OTX1: variants seen among roughly 807,000 people sequenced by gnomAD.
OTX1 encodes the protein homeobox protein OTX1.
Under a neutral mutation model 26.7 loss-of-function variants are expected in OTX1, and 7 were observed. That is an observed-to-expected ratio of 0.26 (90% CI 0.15 to 0.49). The LOEUF is 0.49. Among genes scored for constraint, OTX1 ranks in the 20% least tolerant of loss-of-function variants. The pLI, the probability that OTX1 is intolerant of heterozygous loss-of-function variation, is 0.98. For missense variants in OTX1, 414 were observed against 483.8 expected (o/e 0.86, Z 1.35); for synonymous variants, 216 against 212.8 (o/e 1.01, Z -0.13).
intron 3 of OTX1, 27 bp downstream of exon 3, chr2:63,053,114 C>T: frequency 6.9e-7 from 1 of 1,448,440 alleles, no homozygotes; most frequent in South Asian, 1.3e-5. Flanking sequence ...CCGACCCTGC[C>T]TCAGCCTCTC....
Position 63,056,440 on chromosome 2 carries a change from A to G in OTX1, c.*124A>G, listed in dbSNP as rs2062068786. ...TCCAAAACTGAATTTTCACCCCCCA[A>G]AAAGATGTCCATTGCCTGCACTGCC... On this transcript the variant is annotated 3_prime_UTR_variant, in exon 5 of 5. Transcript: ENST00000282549. 1 of 887,538 alleles carries G rather than the reference A, an allele frequency of 1.1e-6. No homozygotes were observed. Among genetic ancestry groups the G allele is most frequent in the African/African-American group, 1.7e-5 (1 of 59,124 alleles). The allele number at this position is 887,538 out of a possible 1,614,324, so 55.0% of individuals were successfully genotyped here.
In OTX1 at chr2:63,057,186, A is replaced by G. The variant is rs992324353; in HGVS notation, c.*870A>G. The G allele has an allele frequency of 6.6e-6, 1 of 151,858 alleles. No individual in the cohort carries two copies. The allele number at this position is 151,858 out of a possible 1,614,324, so 9.4% of individuals were successfully genotyped here. A position where few individuals can be genotyped will look rare whatever the true frequency, so the allele number is the denominator to read the frequency against. ...ACATATATAAAAAACAAAAGCAAAA[A>G]ATATTTTCCCTCTGTCCGTCCCCCT... On this transcript the variant is annotated 3_prime_UTR_variant, in exon 5 of 5. Transcript: ENST00000282549.
chr2:63,056,270 G>A lies in OTX1; in HGVS notation c.1019G>A (p.Cys340Tyr). Reference sequence around the variant, plus strand: ...AAACTCAACTTCAACTCCCCCGACTGTCTGGACTATAAGGACCAAGCCTCA... The same window carrying A: ...AAACTCAACTTCAACTCCCCCGACTATCTGGACTATAAGGACCAAGCCTCA... The part of the protein sequence containing the change: ...AWKLNFNSPD[C>Y]LDYKDQASWR... Residue 340 changes from cysteine (C) to tyrosine (Y), a missense_variant, in exon 5 of 5, where the codon TGT becomes TAT. This residue lies in a region of OTX1 where 320 missense variants were observed against 347.9 expected (regional missense o/e 0.92). Transcript: ENST00000282549. 1.9e-6 allele frequency: 3 copies of A among 1,614,120 alleles called. No individual in the cohort carries two copies. Among genetic ancestry groups the A allele is most frequent in the East Asian group, 4.5e-5 (2 of 44,878 alleles).
In OTX1 at chr2:63,056,343, C is replaced by T. The variant is rs775767424; in HGVS notation, c.*27C>T. 3 of 1,575,334 alleles carry T rather than the reference C, an allele frequency of 1.9e-6. No individual in the cohort carries two copies. Among genetic ancestry groups the T allele is most frequent in the Admixed American group, 1.7e-5 (1 of 57,988 alleles). ...CCCAGGAATGAAAGAGGAGAAGAAA[C>T]GCAACTACCTGCGCCCTCCGTGGTC... On this transcript the variant is annotated 3_prime_UTR_variant, in exon 5 of 5. Transcript: ENST00000282549.
chr2:63,055,696 CCAGCGGCTG>C lies in OTX1; in HGVS notation c.456_464del (p.Ala153_Ala155del), dbSNP rs761973939. On this transcript the variant is annotated inframe_deletion, in exon 5 of 5. Transcript: ENST00000282549. This position sits in a 1 kb window ranked among gnomAD's most constrained non-coding sequence, Gnocchi z 5.2. ...CTCGGCGTCCAGCTCTTCCGCCAACCCAGCGGCTGCAGCGGCTGCGGGACTAGGTGGGAA... is the reference window on the plus strand; with the variant it reads ...CTCGGCGTCCAGCTCTTCCGCCAACCCAGCGGCTGCGGGACTAGGTGGGAA... The C allele has an allele frequency of 1.2e-6, 2 of 1,613,510 alleles. No homozygotes were observed. The highest frequency in any genetic ancestry group is 1.7e-6 in the Non-Finnish European group (2 of 1,179,932).
intron 4 of OTX1, 115 bp downstream of exon 4, chr2:63,054,313 A>G: frequency 9.4e-7 from 1 of 1,065,876 alleles, no homozygotes; most frequent in Non-Finnish European, 1.3e-6. Context: ...GTGGGCTTAC[A>G]GACTGGGCAG....
chr2:63,050,641 G>A (rs1347302476), upstream of OTX1: 2 of 151,636 alleles, frequency 1.3e-5, no homozygotes, highest in Non-Finnish European at 2.9e-5. Context: ...GACCGGGGCG[G>A]GGCGGGAGGG....
In OTX1 at chr2:63,055,962, G is replaced by T. The variant is rs1199052516; in HGVS notation, c.711G>T (p.Thr237=). 3 of 1,613,338 alleles carry T rather than the reference G, an allele frequency of 1.9e-6. No homozygotes were observed. ...GCAGCTACGGCCAAGGCTACCCTAC[G>T]CCCTCCTCTTCCTACTTTGGCGGCG... The part of the protein sequence containing the change: ...QGGSYGQGYP[T]PSSSYFGGVD... Residue 237 remains threonine (T), a synonymous_variant, in exon 5 of 5, where the codon ACG becomes ACT. Coordinates refer to ENST00000282549, the MANE Select transcript of OTX1 (RefSeq NM_014562.4). This position sits in a 1 kb window ranked among gnomAD's most constrained non-coding sequence, Gnocchi z 5.2.
At chr2:63,053,567 C>T in intron 3 of OTX1, 1 of 169,916 alleles carries the variant, frequency 5.9e-6, no homozygotes. Context: ...CCCATTTTTG[C>T]GCTGCTGTAG....
chr2:63,052,814 C>T (rs920341416), intron 2 of OTX1, 66 bp from the exon 3 acceptor site: 9 of 560,938 alleles, frequency 1.6e-5, no homozygotes, highest in Admixed American at 3.5e-5. Flanking sequence ...CCTGTCTATC[C>T]CGGGGCAAGA....
At position 63,056,405 on chromosome 2, in the gene OTX1, C is replaced by T. The variant is rs2062068470; in HGVS notation, c.*89C>T. 1.4e-5 allele frequency: 17 copies of T among 1,185,948 alleles called. No individual in the cohort carries two copies. The highest frequency in any genetic ancestry group is 2.2e-5 in the Admixed American group (1 of 44,826). 73.5% of individuals were successfully genotyped at this position (1,185,948 alleles called of 1,614,324 possible). ...GCTGCTGCTGCACCGCCCGCCTTTG[C>T]CTCGTCTTCTCCAAAACTGAATTTT... On this transcript the variant is annotated 3_prime_UTR_variant, in exon 5 of 5. Coordinates refer to ENST00000282549, the MANE Select transcript of OTX1 (RefSeq NM_014562.4).
rs757200322 is a variant in OTX1, at chr2:63,056,001, A to G, written c.750A>G (p.Ser250=). ...SSYFGGVDCS[S]YLAPMHSHHH... is the part of the protein sequence containing the mutation. ...ACTTTGGCGGCGTGGACTGCAGCTC[A>G]TACCTAGCGCCCATGCACTCACATC... The change falls in exon 5 of 5, where the codon TCA becomes TCG. Residue 250 remains serine (S), a synonymous_variant. Transcript: ENST00000282549. The G allele has an allele frequency of 2.8e-5, 45 of 1,613,886 alleles. No individual in the cohort carries two copies. Among genetic ancestry groups the G allele is most frequent in the Middle Eastern group, 1.6e-4 (1 of 6,084 alleles).
In OTX1 at chr2:63,056,485, T is replaced by C; in HGVS notation, c.*169T>C. On this transcript the variant is annotated 3_prime_UTR_variant, in exon 5 of 5. Transcript: ENST00000282549. ...ACTGCCGCCCCCATTTTTGTGCCAC[T>C]TGCTTGGGGGGATGTGCAAACCCAC... is the stretch of plus-strand genomic sequence containing the variant. 1.5e-6 allele frequency: 1 copy of C among 669,822 alleles called. No individual in the cohort carries two copies. Among genetic ancestry groups the C allele is most frequent in the Non-Finnish European group, 2.5e-6 (1 of 400,304 alleles). 41.5% of individuals were successfully genotyped at this position (669,822 alleles called of 1,614,324 possible).
chr2:63,051,073 G>A (rs2062022058), intron 1 of OTX1, 176 bp downstream of exon 1: 1 of 152,232 alleles, frequency 6.6e-6, no homozygotes, highest in Non-Finnish European at 1.5e-5. Flanking sequence ...AATGTCCTGA[G>A]AACGTGTGGG....
chr2:63,056,422 C>T lies in OTX1; in HGVS notation c.*106C>T. The T allele has an allele frequency of 7.7e-6, 8 of 1,044,520 alleles. No individual in the cohort carries two copies. Among genetic ancestry groups the T allele is most frequent in the South Asian group, 3.1e-5 (2 of 63,800 alleles). The allele number at this position is 1,044,520 out of a possible 1,614,324, so 64.7% of individuals were successfully genotyped here. Reference sequence around the variant, plus strand: ...CGCCTTTGCCTCGTCTTCTCCAAAACTGAATTTTCACCCCCCAAAAAGATG... The same window carrying T: ...CGCCTTTGCCTCGTCTTCTCCAAAATTGAATTTTCACCCCCCAAAAAGATG... On this transcript the variant is annotated 3_prime_UTR_variant, in exon 5 of 5. Coordinates refer to ENST00000282549, the MANE Select transcript of OTX1 (RefSeq NM_014562.4).
chr2:63,054,130 C>A lies in OTX1; in HGVS notation c.181C>A (p.Arg61Ser). 1.2e-6 allele frequency: 2 copies of A among 1,612,580 alleles called. No individual in the cohort carries two copies. The highest frequency in any genetic ancestry group is 2.2e-5 in the East Asian group (1 of 44,738). Reference protein sequence around the residue: ...DVLEALFAKTRYPDIFMREEV... With the variant: ...DVLEALFAKTSYPDIFMREEV... ...GCTCGAGGCGCTCTTCGCCAAGACT[C>A]GCTACCCTGACATCTTCATGCGGGA... is the stretch of plus-strand genomic sequence containing the variant. The change falls in exon 4 of 5, where the codon CGC becomes AGC. Residue 61 changes from arginine to serine, a missense_variant. By Grantham distance (110) the Arg-to-Ser change is moderately radical (BLOSUM62 -1). Coordinates refer to ENST00000282549, the MANE Select transcript of OTX1 (RefSeq NM_014562.4).
chr2:63,056,978 C>T lies in OTX1; in HGVS notation c.*662C>T, dbSNP rs563140063. On this transcript the variant is annotated 3_prime_UTR_variant, in exon 5 of 5. Coordinates refer to ENST00000282549, the MANE Select transcript of OTX1 (RefSeq NM_014562.4). The stretch of plus-strand genomic sequence containing the variant: ...GAGCCGCATCCCGCCCCGCCCTGCG[C>T]TGGACTGGTTCAAGCTTCCGCCTCG... 3 of 152,638 alleles carry T rather than the reference C, an allele frequency of 2.0e-5. No individual in the cohort carries two copies. The highest frequency in any genetic ancestry group is 7.2e-5 in the African/African-American group (3 of 41,556). 9.5% of individuals were successfully genotyped at this position (152,638 alleles called of 1,614,324 possible).
At chr2:63,052,827 T>C in intron 2 of OTX1, 53 bp from the exon 3 acceptor site, 1 of 566,684 alleles carries the variant, frequency 1.8e-6, no homozygotes, top group South Asian at 2.1e-5. Flanking sequence ...GGGCAAGACT[T>C]GGCAGCCAAG....
At position 63,056,407 on chromosome 2, in the gene OTX1, T is replaced by A; in HGVS notation, c.*91T>A. On this transcript the variant is annotated 3_prime_UTR_variant, in exon 5 of 5. Transcript: ENST00000282549. Reference sequence around the variant, plus strand: ...TGCTGCTGCACCGCCCGCCTTTGCCTCGTCTTCTCCAAAACTGAATTTTCA... The same window carrying A: ...TGCTGCTGCACCGCCCGCCTTTGCCACGTCTTCTCCAAAACTGAATTTTCA... The A allele has an allele frequency of 4.3e-6, 5 of 1,171,044 alleles. No homozygotes were observed. The highest frequency in any genetic ancestry group is 6.1e-6 in the Non-Finnish European group (5 of 823,370). The allele number at this position is 1,171,044 out of a possible 1,614,324, so 72.5% of individuals were successfully genotyped here.
Sources: gnomAD v4.1 joint callset for allele counts on GRCh38, gnomAD v4.1.1 for gene constraint, gnomAD v4.1.1 regional missense constraint, Gnocchi (gnomAD v3.1) non-coding constraint, MANE v1.5 for transcripts, NCBI Gene and HGNC (gene_info 2026-07-23, HGNC 2026-07-21) for gene names.